Variants in RBFOX1 observed in about 807,000 individuals in gnomAD.
RBFOX1 encodes RNA binding fox-1 homolog 1, also known as RNA binding protein fox-1 homolog 1.
RBFOX1 carries 8 observed loss-of-function variants against 57.7 expected under a neutral mutation model. The observed-to-expected ratio is 0.14, with a 90% CI of 0.08 to 0.25. The LOEUF is 0.25. Ranked by LOEUF, RBFOX1 falls within the 10% of genes least tolerant of loss-of-function variation. RBFOX1 has a pLI of 1.00. For missense variants in RBFOX1, 611 were observed against 548.5 expected (o/e 1.11, Z -1.14); for synonymous variants, 326 against 222.4 (o/e 1.47, Z -4.15).
In RBFOX1 at chr16:5,705,551, C is replaced by T. The variant is rs140972911; in HGVS notation, c.318+106590C>T. Among the ~76,000 whole-genome samples the T allele has an allele frequency of 2.6e-3, 396 of 152,300 alleles. 2 individuals carry two copies. Among genetic ancestry groups the T allele is most frequent in the African/African-American group, 8.5e-3 (352 of 41,562 alleles). On this transcript the variant is annotated intron_variant, in intron 3 of 19. Transcript: ENST00000641259. ...TCTGTAATCACGAGCGAAACATTGA[C>T]ATTAGTACACACAATTTGTTTTTTG... is the stretch of plus-strand genomic sequence containing the variant.
intron 1 of RBFOX1, among the ~76,000 whole-genome samples, chr16:5,433,602 A>G (rs28735604): frequency 0.1 from 15,680 of 152,170 alleles, 1,815 homozygotes; most frequent in African/African-American, 0.29. Flanking sequence ...AATAGCATCT[A>G]TTTTATCCCA....
At chr16:5,485,474 A>G (rs1264423010) in intron 2 of RBFOX1, among the ~76,000 whole-genome samples, 2 of 152,150 alleles carry the variant, frequency 1.3e-5, no homozygotes, top group Non-Finnish European at 2.9e-5. Flanking sequence ...CCACAATTAG[A>G]TAAATGATGA....
At chr16:7,154,101 G>A (rs372893245) in intron 4 of RBFOX1, among the ~76,000 whole-genome samples, 1 of 152,140 alleles carries the variant, frequency 6.6e-6, no homozygotes, top group Non-Finnish European at 1.5e-5. Flanking sequence ...AATATTAGCA[G>A]GTAGAAAAGC....
intron 1 of RBFOX1, among the ~76,000 whole-genome samples, chr16:6,201,417 A>G (rs1208599349): frequency 6.6e-6 from 1 of 152,148 alleles, no homozygotes; most frequent in Non-Finnish European, 1.5e-5. Context: ...TTGCATTCTC[A>G]ACAACAGCGT....
intron 4 of RBFOX1, among the ~76,000 whole-genome samples, chr16:7,197,314 C>G (rs977074741): frequency 2.6e-5 from 4 of 152,160 alleles, no homozygotes; most frequent in African/African-American, 9.6e-5. Context: ...AGCGACTGAG[C>G]TTGCTATCGA....
chr16:6,343,009 G>A (rs943303140), intron 2 of RBFOX1, among the ~76,000 whole-genome samples: 4 of 152,086 alleles, frequency 2.6e-5, no homozygotes, highest in African/African-American at 4.8e-5. Context: ...TTTTTGATAC[G>A]AAACTCCATC....
At chr16:5,889,926 C>T (rs559351933) in intron 4 of RBFOX1, among the ~76,000 whole-genome samples, 6 of 152,310 alleles carry the variant, frequency 3.9e-5, no homozygotes, top group Admixed American at 2.6e-4. Flanking sequence ...TGGCAGAGGA[C>T]GAAGACTGGG....
chr16:6,826,594 C>G (rs1226288639), intron 3 of RBFOX1, among the ~76,000 whole-genome samples: 10 of 152,164 alleles, frequency 6.6e-5, no homozygotes. Flanking sequence ...TTCCTCCTCT[C>G]TTTGGTCCCT....
chr16:6,865,512 T>G (rs997689747), intron 3 of RBFOX1, among the ~76,000 whole-genome samples: 2 of 152,164 alleles, frequency 1.3e-5, no homozygotes, highest in Non-Finnish European at 2.9e-5. Context: ...AACACATGGT[T>G]AATGACTTGC....
At chr16:7,166,082 C>T (rs2079449240) in intron 4 of RBFOX1, among the ~76,000 whole-genome samples, 1 of 152,056 alleles carries the variant, frequency 6.6e-6, no homozygotes, top group African/African-American at 2.4e-5. Context: ...GGATTGATCT[C>T]AGCCCACTGT....
chr16:7,163,054 A>G (rs2078706355), intron 4 of RBFOX1, among the ~76,000 whole-genome samples: 2 of 152,218 alleles, frequency 1.3e-5, no homozygotes, highest in Non-Finnish European at 2.9e-5. Context: ...AGCAGGTATT[A>G]TGCCCATCTT....
At chr16:6,980,753 C>G (rs2088553255) in intron 3 of RBFOX1, among the ~76,000 whole-genome samples, 1 of 152,072 alleles carries the variant, frequency 6.6e-6, no homozygotes, top group African/African-American at 2.4e-5. Context: ...AGAAAATGTT[C>G]AGGAATGGAG....
chr16:6,064,881 T>C (rs1292030453), intron 1 of RBFOX1, among the ~76,000 whole-genome samples: 2 of 151,990 alleles, frequency 1.3e-5, no homozygotes, highest in Non-Finnish European at 2.9e-5. Context: ...ACACACTAAC[T>C]TGGATGTAGA....
chr16:7,526,044 C>T (rs2078631229), intron 5 of RBFOX1, among the ~76,000 whole-genome samples: 1 of 144,470 alleles, frequency 6.9e-6, no homozygotes, highest in Non-Finnish European at 1.5e-5. Context: ...TGAGCATTAC[C>T]ACTTTAGCTC....
At chr16:7,576,880 A>G (rs2093379553) in intron 5 of RBFOX1, among the ~76,000 whole-genome samples, 1 of 152,158 alleles carries the variant, frequency 6.6e-6, no homozygotes, top group Admixed American at 6.5e-5. Flanking sequence ...AATGGACTGG[A>G]AGCTTAGGGT....
chr16:5,473,715 G>GTGGA (rs2069220172), intron 2 of RBFOX1, among the ~76,000 whole-genome samples: 3 of 65,886 alleles, frequency 4.6e-5, no homozygotes, highest in Non-Finnish European at 5.9e-5. Flanking sequence ...GGGTGGGTGG[G>GTGGA]TGGATGGATG....
chr16:6,822,857 A>G (rs2091537559), intron 3 of RBFOX1, among the ~76,000 whole-genome samples: 1 of 152,186 alleles, frequency 6.6e-6, no homozygotes, highest in East Asian at 1.9e-4. Context: ...TTGTGCCTTA[A>G]AATGCCTGGA....
intron 3 of RBFOX1, among the ~76,000 whole-genome samples, chr16:6,811,896 T>A (rs2088717767): frequency 6.6e-6 from 1 of 152,016 alleles, no homozygotes; most frequent in Admixed American, 6.6e-5. Context: ...TCTCAAAATA[T>A]AAATAAATAA....
chr16:5,954,895 G>T (rs1248549348), intron 4 of RBFOX1, among the ~76,000 whole-genome samples: 1 of 151,648 alleles, frequency 6.6e-6, no homozygotes. Context: ...TTTAGGCAAG[G>T]GTCTCACTGT....
Sources: gnomAD v4.1 joint callset for allele counts (sites outside exome capture counted in the v4.1 genomes callset) on GRCh38, gnomAD v4.1.1 for gene constraint, MANE v1.5 for transcripts, NCBI Gene and HGNC (gene_info 2026-07-23, HGNC 2026-07-21) for gene names.